Variants in NOS1 observed in about 807,000 individuals in gnomAD.
The protein encoded by NOS1 is nitric oxide synthase 1.
Under a neutral mutation model 164.5 loss-of-function variants are expected in NOS1, and 51 were observed. That is an observed-to-expected ratio of 0.31 (90% CI 0.25 to 0.39). The LOEUF (loss-of-function observed/expected upper bound fraction) is 0.39, where lower values mean the gene tolerates loss of function less well. Ranked by LOEUF, NOS1 falls within the 10% of genes least tolerant of loss-of-function variation. NOS1 has a pLI of 1.00. For synonymous variants in NOS1, 719 were observed against 745.8 expected (o/e 0.96, Z 0.59); for missense variants, 1,362 against 1,885.6 (o/e 0.72, Z 5.14).
chr12:117,248,241 C>A (rs816352), intron 17 of NOS1, among the ~76,000 whole-genome samples: 82,991 of 150,954 alleles, frequency 0.55, 25,269 homozygotes, highest in African/African-American at 0.81. Flanking sequence ...ACATGTGCAC[C>A]ATGTGTAGGT....
At position 117,243,454 on chromosome 12, in the gene NOS1, T is replaced by C. The variant is rs778699459; in HGVS notation, c.2824-19A>G. On this transcript the variant is annotated intron_variant, in intron 18 of 28. Coordinates refer to ENST00000317775, the MANE Select transcript of NOS1 (RefSeq NM_000620.5). The surrounding 1 kb of genome is among the most constrained non-coding windows in gnomAD (Gnocchi z 4.3). ...AGGCTGCCTGTGGTGTACACAAGGC[T>C]TTCAGTGACCTCTTTCAGCCAAGCG... is the stretch of plus-strand genomic sequence containing the variant. 1.9e-6 allele frequency: 3 copies of C among 1,612,432 alleles called. No homozygotes were observed. In the Admixed American group the frequency reaches 5.0e-5, roughly 27 times the overall value.
At chr12:117,337,104 C>CTATTTTTT (rs1566082153) in intron 1 of NOS1, among the ~76,000 whole-genome samples, 2 of 94,074 alleles carry the variant, frequency 2.1e-5, no homozygotes. Context: ...CTGCTTTTTA[C>CTATTTTTT]TCTTTTTTTT....
chr12:117,222,911 T>G, intron 25 of NOS1, 48 bp from the exon 26 acceptor site: 1 of 1,591,390 alleles, frequency 6.3e-7, no homozygotes, highest in South Asian at 1.2e-5. Flanking sequence ...CTGCCTGATG[T>G]GCAGGGTGGC....
chr12:117,322,143 T>C (rs1874972936), intron 2 of NOS1, among the ~76,000 whole-genome samples: 1 of 133,452 alleles, frequency 7.5e-6, no homozygotes, highest in Non-Finnish European at 1.6e-5. Context: ...CCTCTCTTTT[T>C]CCTTCCTTCC....
chr12:117,225,366 C>T (rs1274846808), intron 24 of NOS1, among the ~76,000 whole-genome samples: 1 of 152,140 alleles, frequency 6.6e-6, no homozygotes, highest in Admixed American at 6.6e-5. Flanking sequence ...CAATTCTTCT[C>T]ACTGCTGAGC....
intron 3 of NOS1, among the ~76,000 whole-genome samples, chr12:117,295,203 C>T (rs931621928): frequency 2.0e-5 from 3 of 152,220 alleles, no homozygotes; most frequent in African/African-American, 7.2e-5. Context: ...ACAGCTGCTT[C>T]TTCTAAAGCA....
intron 3 of NOS1, 33 bp downstream of exon 3, chr12:117,311,433 A>G (rs2136055153): frequency 6.4e-7 from 1 of 1,572,166 alleles, no homozygotes. Flanking sequence ...AGGCGTGGGA[A>G]GCAGTGGTAC....
chr12:117,292,054 G>A (rs1284201849), intron 3 of NOS1, among the ~76,000 whole-genome samples: 1 of 152,080 alleles, frequency 6.6e-6, no homozygotes, highest in Non-Finnish European at 1.5e-5. Flanking sequence ...CTTGAGGCAG[G>A]GCATTCATAC....
chr12:117,228,967 G>A lies in NOS1; in HGVS notation c.3406-1326C>T, dbSNP rs563195195. Among the ~76,000 whole-genome samples, 124 of 152,214 alleles carry A rather than the reference G, an allele frequency of 8.1e-4. 1 individual carries two copies. The highest frequency in any genetic ancestry group is 2.9e-3 in the African/African-American group (119 of 41,522). On this transcript the variant is annotated intron_variant, in intron 22 of 28. Coordinates refer to ENST00000317775, the MANE Select transcript of NOS1 (RefSeq NM_000620.5). The stretch of plus-strand genomic sequence containing the variant: ...CAGCTAATTGTTTGTATTTTTAGTA[G>A]AGACAGGGTTTCACCGTGTTAGCCA...
intron 14 of NOS1, among the ~76,000 whole-genome samples, chr12:117,259,913 A>T (rs1301025393): frequency 6.6e-6 from 1 of 151,932 alleles, no homozygotes; most frequent in African/African-American, 2.4e-5. Flanking sequence ...AGGTCAGGAG[A>T]TCGAGACCAT....
At chr12:117,256,784 T>G (rs1195998829) in intron 16 of NOS1, among the ~76,000 whole-genome samples, 1 of 151,902 alleles carries the variant, frequency 6.6e-6, no homozygotes, top group Admixed American at 6.6e-5. Flanking sequence ...TAACAAAAAT[T>G]TTTTTGTCAT....
chr12:117,280,698 C>T (rs1472817605), intron 8 of NOS1, 27 bp downstream of exon 8: 1 of 1,602,066 alleles, frequency 6.2e-7, no homozygotes, highest in African/African-American at 1.3e-5. Context: ...CATGTTGGGG[C>T]AGGGTAGGGG....
Position 117,311,549 on chromosome 12 carries a change from C to G in NOS1, c.769G>C (p.Glu257Gln), listed in dbSNP as rs1200717259. The G allele has an allele frequency of 2.2e-5, 35 of 1,612,996 alleles. No individual in the cohort carries two copies. Among genetic ancestry groups the G allele is most frequent in the African/African-American group, 2.7e-5 (2 of 74,922 alleles). ...KSHKPLPLGV[E>Q]NDRVFNDLWG... ...AGGTCATTGAAGACTCGGTCGTTCT[C>G]CACGCCGAGGGGCAGAGGTTTGTGT... The change falls in exon 3 of 29, where the codon GAG (glutamate) becomes CAG (glutamine). Residue 257 changes from glutamate to glutamine, a missense_variant. Transcript: ENST00000317775.
In NOS1 at chr12:117,210,244, G is replaced by A. The variant is rs1956507062; in HGVS notation, c.*5065C>T. The A allele has an allele frequency of 1.0e-6, 1 of 965,630 alleles. No homozygotes were observed. Among genetic ancestry groups the A allele is most frequent in the African/African-American group, 1.8e-5 (1 of 56,518 alleles). 59.8% of individuals were successfully genotyped at this position (965,630 alleles called of 1,614,324 possible). ...GATCCTCCCACCTCAGTCTCCCAAA[G>A]TGCTATTACAGGCATGAACCACCAT... On this transcript the variant is annotated 3_prime_UTR_variant, in exon 29 of 29. Coordinates refer to ENST00000317775, the MANE Select transcript of NOS1 (RefSeq NM_000620.5).
chr12:117,261,027 G>C lies in NOS1; in HGVS notation c.2223-418C>G, dbSNP rs553408471. Among the ~76,000 whole-genome samples, 491 of 151,806 alleles carry C rather than the reference G, an allele frequency of 3.2e-3. 1 individual carries two copies. The highest frequency in any genetic ancestry group is 9.6e-3 in the African/African-American group (397 of 41,364). ...TACTAAAATACAAAAAAATTAGCCG[G>C]GAGTGGCAGCGTGCGCCTGTAGTCC... is the stretch of plus-strand genomic sequence containing the variant. On this transcript the variant is annotated intron_variant, in intron 13 of 28. Coordinates refer to ENST00000317775, the MANE Select transcript of NOS1 (RefSeq NM_000620.5).
intron 18 of NOS1, chr12:117,246,176 G>A (rs542950918): frequency 6.3e-6 from 1 of 157,600 alleles, no homozygotes; most frequent in Non-Finnish European, 1.5e-5. Context: ...ATGTTCTAAT[G>A]AAATTCTACT....
chr12:117,278,227 G>T, intron 8 of NOS1, 129 bp from the exon 9 acceptor site: 2 of 1,071,584 alleles, frequency 1.9e-6, no homozygotes, highest in Non-Finnish European at 1.3e-6. Context: ...TCCTCTGGAG[G>T]CTCTTGGACC....
intron 1 of NOS1, among the ~76,000 whole-genome samples, chr12:117,332,491 C>T (rs1356917409): frequency 6.6e-6 from 1 of 152,054 alleles, no homozygotes; most frequent in African/African-American, 2.4e-5. Context: ...GTTTGGGAGG[C>T]TGAGGTGGGA....
In NOS1 at chr12:117,219,260, C is replaced by T. The variant is rs376637326; in HGVS notation, c.4170+815G>A. ...CCTCCCAAAATGTTGAGATTACAGG[C>T]GTGAGCCACTGCACCCAGCCATTTT... On this transcript the variant is annotated intron_variant, in intron 27 of 28. Coordinates refer to ENST00000317775, the MANE Select transcript of NOS1 (RefSeq NM_000620.5). Among the ~76,000 whole-genome samples the T allele has an allele frequency of 3.9e-4, 60 of 151,980 alleles. No individual in the cohort carries two copies. In the South Asian group the frequency reaches 0.011, roughly 29 times the overall value.
Sources: allele counts gnomAD v4.1 joint callset (sites outside exome capture counted in the v4.1 genomes callset), GRCh38; gene constraint gnomAD v4.1.1; non-coding constraint Gnocchi (gnomAD v3.1); transcripts MANE v1.5; gene names NCBI Gene and HGNC (gene_info 2026-07-23, HGNC 2026-07-21).